MAP3K4: variants seen among roughly 807,000 people sequenced by gnomAD.
MAP3K4 encodes the protein MAP three kinase 1.
Under a neutral mutation model 185.6 loss-of-function variants are expected in MAP3K4, and 67 were observed. The observed-to-expected ratio is 0.36, with a 90% CI of 0.30 to 0.44. The LOEUF (loss-of-function observed/expected upper bound fraction) is 0.44, where lower values mean the gene tolerates loss of function less well. Ranked by LOEUF, MAP3K4 falls within the 20% of genes least tolerant of loss-of-function variation. The pLI is 1.00. For synonymous variants in MAP3K4, 702 were observed against 710.4 expected (o/e 0.99, Z 0.19); for missense variants, 1,551 against 1,995.1 (o/e 0.78, Z 4.24).
chr6:161,033,513 T>C (rs1432254684), intron 1 of MAP3K4, among the ~76,000 whole-genome samples: 2 of 148,534 alleles, frequency 1.3e-5, no homozygotes, highest in Non-Finnish European at 1.5e-5. Context: ...AGAAACAATT[T>C]TGTTTTTCCT....
chr6:161,014,316 A>G (rs553853096), intron 1 of MAP3K4, among the ~76,000 whole-genome samples: 1 of 152,314 alleles, frequency 6.6e-6, no homozygotes, highest in East Asian at 1.9e-4. Flanking sequence ...TGGGAATGGT[A>G]TTTGAATGAG....
At chr6:161,035,296 T>G (rs2115173156) in intron 2 of MAP3K4, among the ~76,000 whole-genome samples, 1 of 152,330 alleles carries the variant, frequency 6.6e-6, no homozygotes, top group East Asian at 1.9e-4. Flanking sequence ...AATTTCTTCC[T>G]GTTGACCTCA....
At chr6:161,045,223 G>A (rs1783672227) in intron 2 of MAP3K4, among the ~76,000 whole-genome samples, 1 of 151,878 alleles carries the variant, frequency 6.6e-6, no homozygotes, top group Admixed American at 6.5e-5. Flanking sequence ...TTTTGTTTTG[G>A]GGTGGGGGGG....
chr6:161,034,610 T>C lies in MAP3K4; in HGVS notation c.343+161T>C, dbSNP rs1783078776. ...TTATTACCATTAGTATTAATAAAATTGACACATAGTTTTCCAGAGATAGAA... is the reference window on the plus strand; with the variant it reads ...TTATTACCATTAGTATTAATAAAATCGACACATAGTTTTCCAGAGATAGAA... On this transcript the variant is annotated intron_variant, in intron 2 of 26. Coordinates refer to ENST00000392142, the MANE Select transcript of MAP3K4 (RefSeq NM_005922.4). The surrounding 1 kb of genome is among the most constrained non-coding windows in gnomAD (Gnocchi z 4.4). Among the ~76,000 whole-genome samples, 1 of 152,200 alleles carries C rather than the reference T, an allele frequency of 6.6e-6. No individual in the cohort carries two copies. The highest frequency in any genetic ancestry group is 1.5e-5 in the Non-Finnish European group (1 of 68,030).
In MAP3K4 at chr6:160,991,821, C is replaced by T. The variant is rs1780704578; in HGVS notation, c.-111C>T. ...GCCGCGGCGCGCACGGCTCCTGCGG[C>T]GGGGTAGAGGCGGAGGCGGAGTCGA... On this transcript the variant is annotated 5_prime_UTR_variant, in exon 1 of 27. Transcript: ENST00000392142. The surrounding 1 kb of genome is among the most constrained non-coding windows in gnomAD (Gnocchi z 5.7). 39 of 1,215,676 alleles carry T rather than the reference C, an allele frequency of 3.2e-5. No individual in the cohort carries two copies. The highest frequency in any genetic ancestry group is 4.1e-5 in the Non-Finnish European group (38 of 937,486). 75.3% of individuals were successfully genotyped at this position (1,215,676 alleles called of 1,614,324 possible).
rs141320593 is a variant in MAP3K4, at chr6:161,034,340, G to C, written c.234G>C (p.Glu78Asp). 67 of 1,613,864 alleles carry C rather than the reference G, an allele frequency of 4.2e-5. No homozygotes were observed. In the African/African-American group the frequency reaches 8.7e-4, roughly 21 times the overall value. Residue 78 changes from glutamate to aspartate, a missense_variant, in exon 2 of 27, where the codon GAG (glutamate) becomes GAC (aspartate). Physicochemically the swap from Glu to Asp is conservative, Grantham distance 45 (BLOSUM62 2). Transcript: ENST00000392142. The surrounding 1 kb of genome is among the most constrained non-coding windows in gnomAD (Gnocchi z 4.4). ...LEDFSDETNT[E>D]NLYGTSPPST... ...ACTTCTCCGATGAAACAAATACAGA[G>C]AATCTTTATGGTACCTCTCCCCCCA...
intron 1 of MAP3K4, among the ~76,000 whole-genome samples, chr6:160,999,472 T>C (rs531252011): frequency 2.1e-4 from 32 of 152,350 alleles, no homozygotes; most frequent in African/African-American, 7.5e-4. Flanking sequence ...TTTAAACATT[T>C]GCTAATACAA....
chr6:161,038,649 A>G (rs1783295646), intron 2 of MAP3K4, among the ~76,000 whole-genome samples: 1 of 152,202 alleles, frequency 6.6e-6, no homozygotes, highest in South Asian at 2.1e-4. Context: ...TGAAAGAGCA[A>G]TTATTTTATT....
chr6:161,070,228 T>TA lies in MAP3K4; in HGVS notation c.1708-380_1708-379insA, dbSNP rs1320550289. 4.0e-5 allele frequency among the ~76,000 whole-genome samples: 6 copies of TA among 151,294 alleles called. No individual in the cohort carries two copies. Among genetic ancestry groups the TA allele is most frequent in the African/African-American group, 1.5e-4 (6 of 41,082 alleles). ...GTTTTCTCTAATTTCAGTAATTCTC[T>TA]GGTTTTTTTCCCAGTCTAGAGATAG... On this transcript the variant is annotated intron_variant, in intron 3 of 26. Coordinates refer to ENST00000392142, the MANE Select transcript of MAP3K4 (RefSeq NM_005922.4). The surrounding 1 kb of genome is among the most constrained non-coding windows in gnomAD (Gnocchi z 4.5).
intron 1 of MAP3K4, among the ~76,000 whole-genome samples, chr6:161,000,908 CACAT>C (rs1303857276): frequency 5.4e-5 from 8 of 147,972 alleles, no homozygotes; most frequent in African/African-American, 2.0e-4. Flanking sequence ...TATGTACACA[CACAT>C]ATATAGTGTA....
Position 161,064,222 on chromosome 6 carries a change from T to C in MAP3K4, c.1708-6386T>C, listed in dbSNP as rs1402183014. On this transcript the variant is annotated intron_variant, in intron 3 of 26. Coordinates refer to ENST00000392142, the MANE Select transcript of MAP3K4 (RefSeq NM_005922.4). The surrounding 1 kb of genome is among the most constrained non-coding windows in gnomAD (Gnocchi z 4.3). ...AGCTCTATCTTTAGATTTTACTACATTGGGAATTTCTTTTTCCAAATATAT... is the reference window on the plus strand; with the variant it reads ...AGCTCTATCTTTAGATTTTACTACACTGGGAATTTCTTTTTCCAAATATAT... Among the ~76,000 whole-genome samples the C allele has an allele frequency of 6.6e-6, 1 of 152,246 alleles. No homozygotes were observed. The highest frequency in any genetic ancestry group is 2.4e-5 in the African/African-American group (1 of 41,468).
rs1784011181 is a variant in MAP3K4, at chr6:161,051,742, C to T, written c.1707+1763C>T. 1.3e-5 allele frequency among the ~76,000 whole-genome samples: 2 copies of T among 152,160 alleles called. No homozygotes were observed. Among genetic ancestry groups the T allele is most frequent in the Admixed American group, 1.3e-4 (2 of 15,286 alleles). ...AAATGGTGTAGTATTTACATACAACCTATGTGCATCCTCCTGTATGCTTTA... is the reference window on the plus strand; with the variant it reads ...AAATGGTGTAGTATTTACATACAACTTATGTGCATCCTCCTGTATGCTTTA... On this transcript the variant is annotated intron_variant, in intron 3 of 26. Coordinates refer to ENST00000392142, the MANE Select transcript of MAP3K4 (RefSeq NM_005922.4). The surrounding 1 kb of genome is among the most constrained non-coding windows in gnomAD (Gnocchi z 4.2).
chr6:161,112,094 C>T lies in MAP3K4; in HGVS notation c.4519+136C>T, dbSNP rs1264545069. The T allele has an allele frequency of 1.1e-5, 12 of 1,142,338 alleles. No individual in the cohort carries two copies. The South Asian group carries it at 1.7e-4, about 16-fold the overall frequency. 70.8% of individuals were successfully genotyped at this position (1,142,338 alleles called of 1,614,324 possible). ...TTTTCAGTCGTGAGAAGGACCACTTCCTCACACACTTGGGCTCCCACGCAA... is the reference window on the plus strand; with the variant it reads ...TTTTCAGTCGTGAGAAGGACCACTTTCTCACACACTTGGGCTCCCACGCAA... On this transcript the variant is annotated intron_variant, in intron 24 of 26. Transcript: ENST00000392142. This position sits in a 1 kb window ranked among gnomAD's most constrained non-coding sequence, Gnocchi z 5.1.
Position 161,116,985 on chromosome 6 carries a change from C to A in MAP3K4, c.*115C>A. On this transcript the variant is annotated 3_prime_UTR_variant, in exon 27 of 27. Transcript: ENST00000392142. The surrounding 1 kb of genome is among the most constrained non-coding windows in gnomAD (Gnocchi z 6.2). ...CTTTTTAACCTTCCAAGACTGAAGACTGCACAGGTGACAAGCGTCACTTCT... is the reference window on the plus strand; with the variant it reads ...CTTTTTAACCTTCCAAGACTGAAGAATGCACAGGTGACAAGCGTCACTTCT... The A allele has an allele frequency of 2.1e-6, 2 of 952,000 alleles. No homozygotes were observed. Among genetic ancestry groups the A allele is most frequent in the South Asian group, 1.4e-5 (1 of 69,646 alleles). The allele number at this position is 952,000 out of a possible 1,614,324, so 59.0% of individuals were successfully genotyped here.
chr6:161,093,847 C>T lies in MAP3K4; in HGVS notation c.3423C>T (p.Tyr1141=). 2 of 1,610,522 alleles carry T rather than the reference C, an allele frequency of 1.2e-6. No individual in the cohort carries two copies. The highest frequency in any genetic ancestry group is 1.7e-6 in the Non-Finnish European group (2 of 1,177,360). ...GKPHSPVTGL[Y]LAIHRNSPRP... ...CACACAGTCCTGTTACAGGTTTGTA[C>T]CTTGGTAAGACAGCCGTTAACAGCA... is the stretch of plus-strand genomic sequence containing the variant. Residue 1141 remains tyrosine, a synonymous_variant, in exon 15 of 27, where the codon TAC becomes TAT. Coordinates refer to ENST00000392142, the MANE Select transcript of MAP3K4 (RefSeq NM_005922.4). The surrounding 1 kb of genome is among the most constrained non-coding windows in gnomAD (Gnocchi z 5.2).
In MAP3K4 at chr6:161,064,057, G is replaced by A. The variant is rs569871163; in HGVS notation, c.1708-6551G>A. ...CATTGCTCCATTTTTATGAGAGGGCGTTGAAGGGAAATTGAAACCCTGTTG... is the reference window on the plus strand; with the variant it reads ...CATTGCTCCATTTTTATGAGAGGGCATTGAAGGGAAATTGAAACCCTGTTG... On this transcript the variant is annotated intron_variant, in intron 3 of 26. Coordinates refer to ENST00000392142, the MANE Select transcript of MAP3K4 (RefSeq NM_005922.4). This position sits in a 1 kb window ranked among gnomAD's most constrained non-coding sequence, Gnocchi z 4.3. Among the ~76,000 whole-genome samples, 39 of 152,170 alleles carry A rather than the reference G, an allele frequency of 2.6e-4. No homozygotes were observed. The highest frequency in any genetic ancestry group is 3.8e-4 in the Non-Finnish European group (26 of 68,006).
rs377654890 is a variant in MAP3K4 at position 161,086,551 on chromosome 6, C to G, written c.2473-33C>G. On this transcript the variant is annotated intron_variant, in intron 8 of 26. Transcript: ENST00000392142. This position sits in a 1 kb window ranked among gnomAD's most constrained non-coding sequence, Gnocchi z 4.8. ...TTTATCTTATTTTTTTAATGCTAAC[C>G]GTAAAGAAGTTTCTTTGTAACTGTG... 6.2e-7 allele frequency: 1 copy of G among 1,603,344 alleles called. No homozygotes were observed. Among genetic ancestry groups the G allele is most frequent in the Admixed American group, 1.7e-5 (1 of 58,990 alleles).
intron 2 of MAP3K4, among the ~76,000 whole-genome samples, chr6:161,041,624 A>T (rs761079057): frequency 6.6e-6 from 1 of 152,216 alleles, no homozygotes; most frequent in African/African-American, 2.4e-5. Context: ...AGCACAGGAA[A>T]TCATCTTCCT....
chr6:161,092,363 T>C lies in MAP3K4; in HGVS notation c.3269+220T>C, dbSNP rs185277655. 3.1e-4 allele frequency among the ~76,000 whole-genome samples: 47 copies of C among 152,312 alleles called. 1 individual carries two copies. The highest frequency in any genetic ancestry group is 1.1e-3 in the African/African-American group (46 of 41,568). On this transcript the variant is annotated intron_variant, in intron 13 of 26. Coordinates refer to ENST00000392142, the MANE Select transcript of MAP3K4 (RefSeq NM_005922.4). ...ATTTGTTCCAAATTTGAGTTACCTT[T>C]AAGGGAACTCATGTTCTCCTTTGAC...
Sources: allele counts gnomAD v4.1 joint callset (sites outside exome capture counted in the v4.1 genomes callset), GRCh38; gene constraint gnomAD v4.1.1; non-coding constraint Gnocchi (gnomAD v3.1); transcripts MANE v1.5; gene names NCBI Gene and HGNC (gene_info 2026-07-23, HGNC 2026-07-21).